The following CAMSAP1 variants were observed in gnomAD, a reference collection of about 807,000 sequenced individuals.
CAMSAP1 encodes the protein calmodulin regulated spectrin associated protein 1, also known as calmodulin-regulated spectrin-associated protein 1.
In CAMSAP1, 58 loss-of-function variants were observed where a neutral mutation model predicts 143.5. That is an observed-to-expected ratio of 0.40 (90% CI 0.33 to 0.50). The LOEUF (loss-of-function observed/expected upper bound fraction) is 0.50. CAMSAP1 is among the 20% of genes least tolerant of loss of function. CAMSAP1 has a pLI of 0.45. For missense variants in CAMSAP1, 1,969 were observed against 2,115.7 expected (o/e 0.93, Z 1.36); for synonymous variants, 945 against 859.3 (o/e 1.10, Z -1.74).
intron 1 of CAMSAP1, among the ~76,000 whole-genome samples, chr9:135,905,189 G>A (rs904348181): frequency 6.6e-6 from 1 of 152,182 alleles, no homozygotes; most frequent in Non-Finnish European, 1.5e-5. Flanking sequence ...CATCCGATGA[G>A]TCAACAAGGA....
chr9:135,874,093 G>A (rs1837653910), intron 3 of CAMSAP1, among the ~76,000 whole-genome samples: 1 of 152,100 alleles, frequency 6.6e-6, no homozygotes, highest in Non-Finnish European at 1.5e-5. Context: ...GTAATTCATT[G>A]TATCAACAGA....
At chr9:135,845,530 G>A (rs1247882623) in intron 7 of CAMSAP1, among the ~76,000 whole-genome samples, 1 of 152,200 alleles carries the variant, frequency 6.6e-6, no homozygotes. Context: ...AATCAGGCAA[G>A]AGAAAGAAAT....
chr9:135,907,546 C>T lies in CAMSAP1; in HGVS notation c.-387G>A, dbSNP rs1157739794. 2.7e-5 allele frequency among the ~76,000 whole-genome samples: 4 copies of T among 149,992 alleles called. No homozygotes were observed. Among genetic ancestry groups the T allele is most frequent in the African/African-American group, 9.7e-5 (4 of 41,164 alleles). ...GGTGGCCAAGGAGCGGGAGCGCGCT[C>T]ACCGCCGGGGCCTCGCACAGGCGCA... is the stretch of plus-strand genomic sequence containing the variant. On this transcript the variant is annotated 5_prime_UTR_variant, in exon 1 of 17. Transcript: ENST00000389532.
chr9:135,831,945 C>G (rs1221507017), intron 7 of CAMSAP1, among the ~76,000 whole-genome samples: 1 of 152,128 alleles, frequency 6.6e-6, no homozygotes, highest in African/African-American at 2.4e-5. Context: ...GAGATTGAAG[C>G]AGTAATCACA....
chr9:135,883,117 C>G, intron 1 of CAMSAP1, 39 bp from the exon 2 acceptor site: 3 of 1,546,494 alleles, frequency 1.9e-6, no homozygotes, highest in Non-Finnish European at 2.6e-6. Flanking sequence ...GTGCCACACA[C>G]AAGACCCAAA....
In CAMSAP1 at chr9:135,822,103, G is replaced by T; in HGVS notation, c.2558C>A (p.Thr853Lys). The change falls in exon 11 of 17, where the codon ACG becomes AAG. Residue 853 changes from threonine (T) to lysine (K), a missense_variant. Coordinates refer to ENST00000389532, the MANE Select transcript of CAMSAP1 (RefSeq NM_015447.4). The surrounding 1 kb of genome is among the most constrained non-coding windows in gnomAD (Gnocchi z 6.1). ...DASESCPAPL[T>K]TWRQKREQSP... ...CTGCTCCCTCTTCTGCCTCCACGTC[G>T]TCAGAGGGGCTGGGCAGCTCTCAGA... The T allele has an allele frequency of 6.2e-7, 1 of 1,613,128 alleles. No homozygotes were observed.
chr9:135,858,519 T>G (rs1253171448), intron 5 of CAMSAP1, among the ~76,000 whole-genome samples: 21 of 152,198 alleles, frequency 1.4e-4, no homozygotes, highest in Admixed American at 1.4e-3. Flanking sequence ...TTAAATGCCT[T>G]CTCTGGCTTC....
chr9:135,859,939 T>C (rs1328572267), intron 5 of CAMSAP1, among the ~76,000 whole-genome samples: 1 of 150,344 alleles, frequency 6.7e-6, no homozygotes, highest in Non-Finnish European at 1.5e-5. Context: ...GTGCGGTGGC[T>C]CACGTATGGA....
intron 3 of CAMSAP1, among the ~76,000 whole-genome samples, chr9:135,874,489 G>GC (rs940687708): frequency 2.1e-5 from 3 of 144,948 alleles, no homozygotes; most frequent in African/African-American, 7.7e-5. Flanking sequence ...GGGGGGGGGG[G>GC]GCCACAGGGG....
intron 1 of CAMSAP1, among the ~76,000 whole-genome samples, chr9:135,894,372 C>A: frequency 6.6e-6 from 1 of 152,164 alleles, no homozygotes; most frequent in East Asian, 1.9e-4. Flanking sequence ...GGGCGGACAC[C>A]GGCACAGGAG....
chr9:135,818,101 G>C lies in CAMSAP1; in HGVS notation c.4169-22C>G. On this transcript the variant is annotated intron_variant, in intron 13 of 16. Coordinates refer to ENST00000389532, the MANE Select transcript of CAMSAP1 (RefSeq NM_015447.4). This position sits in a 1 kb window ranked among gnomAD's most constrained non-coding sequence, Gnocchi z 7.7. ...TCAGCTGCCAGAGACAGAAACAGAC[G>C]ACGGTTCATGAACGGATTCCGACAG... is the stretch of plus-strand genomic sequence containing the variant. 1 of 1,609,106 alleles carries C rather than the reference G, an allele frequency of 6.2e-7. No individual in the cohort carries two copies. The highest frequency in any genetic ancestry group is 8.5e-7 in the Non-Finnish European group (1 of 1,176,138).
intron 4 of CAMSAP1, chr9:135,865,400 A>G (rs762878679): frequency 2.6e-6 from 4 of 1,549,034 alleles, no homozygotes; most frequent in Non-Finnish European, 3.5e-6. Context: ...GCAGGAGAGG[A>G]GCATCAGCAG....
intron 14 of CAMSAP1, among the ~76,000 whole-genome samples, chr9:135,817,466 A>C (rs569525202): frequency 7.9e-5 from 12 of 151,902 alleles, no homozygotes; most frequent in African/African-American, 2.7e-4. Flanking sequence ...AGCACAGCTC[A>C]CTGCAGCCTC....
intron 1 of CAMSAP1, among the ~76,000 whole-genome samples, chr9:135,902,059 A>G (rs920992606): frequency 2.6e-5 from 4 of 152,194 alleles, no homozygotes; most frequent in African/African-American, 9.7e-5. Flanking sequence ...CTGGCCTCAC[A>G]GAGATGCACA....
intron 7 of CAMSAP1, among the ~76,000 whole-genome samples, chr9:135,843,023 C>A (rs1333365115): frequency 6.6e-6 from 1 of 152,118 alleles, no homozygotes; most frequent in African/African-American, 2.4e-5. Context: ...GGCTAAATGC[C>A]CCCAGTTAAA....
In CAMSAP1 at chr9:135,820,626, G is replaced by A. The variant is rs1249900785; in HGVS notation, c.3822+213C>T. On this transcript the variant is annotated intron_variant, in intron 11 of 16. Coordinates refer to ENST00000389532, the MANE Select transcript of CAMSAP1 (RefSeq NM_015447.4). The surrounding 1 kb of genome is among the most constrained non-coding windows in gnomAD (Gnocchi z 4.4). ...AACAAAGTCGTCTCAGCCACACCAC[G>A]CTCACTTGCATGCGTATTGCCCGGG... Among the ~76,000 whole-genome samples, 1 of 151,952 alleles carries A rather than the reference G, an allele frequency of 6.6e-6. No individual in the cohort carries two copies. The highest frequency in any genetic ancestry group is 2.4e-5 in the African/African-American group (1 of 41,346).
intron 7 of CAMSAP1, among the ~76,000 whole-genome samples, chr9:135,843,987 C>A (rs112426947): frequency 6.6e-6 from 1 of 151,578 alleles, no homozygotes; most frequent in South Asian, 2.1e-4. Flanking sequence ...AAGAGACTTA[C>A]ACTGCCACAC....
rs144004967 is a variant in CAMSAP1 at position 135,818,265 on chromosome 9, T to A, written c.4168+143A>T. 2.7e-6 allele frequency: 3 copies of A among 1,111,710 alleles called. No homozygotes were observed. Among genetic ancestry groups the A allele is most frequent in the Non-Finnish European group, 2.5e-6 (2 of 787,722 alleles). 68.9% of individuals were successfully genotyped at this position (1,111,710 alleles called of 1,614,324 possible). ...CATCTCAGAGCATCTGGTCTCAACA[T>A]TGTCATCCATGAAACGGGGATAATC... On this transcript the variant is annotated intron_variant, in intron 13 of 16. Transcript: ENST00000389532. This position sits in a 1 kb window ranked among gnomAD's most constrained non-coding sequence, Gnocchi z 7.7.
chr9:135,843,013 G>C (rs757310972), intron 7 of CAMSAP1, among the ~76,000 whole-genome samples: 15 of 152,150 alleles, frequency 9.9e-5, no homozygotes, highest in Non-Finnish European at 2.2e-4. Flanking sequence ...AATGTAAATG[G>C]GCTAAATGCC....
Sources: allele counts gnomAD v4.1 joint callset (sites outside exome capture counted in the v4.1 genomes callset), GRCh38; gene constraint gnomAD v4.1.1; non-coding constraint Gnocchi (gnomAD v3.1); transcripts MANE v1.5; gene names NCBI Gene and HGNC (gene_info 2026-07-23, HGNC 2026-07-21).